The following RNF103 variants were observed in gnomAD, a reference collection of about 807,000 sequenced individuals.
RNF103 encodes E3 ubiquitin-protein ligase RNF103.
In RNF103, 23 loss-of-function variants were observed where a neutral mutation model predicts 66.2. The observed-to-expected ratio is 0.35, with a 90% confidence interval of 0.25 to 0.49. RNF103 has a LOEUF of 0.49. RNF103 is among the 20% of genes least tolerant of loss of function. The pLI is 0.98. For missense variants in RNF103, 730 were observed against 814.7 expected, an observed-to-expected ratio of 0.90 and a Z score of 1.27; for synonymous variants, 297 against 289.9, an observed-to-expected ratio of 1.02 and a Z score of -0.25.
chr2:86,614,778 C>T, intron 2 of RNF103: 2 of 978,412 alleles, frequency 2.0e-6, no homozygotes, highest in Non-Finnish European at 2.4e-6. Flanking sequence ...TTTTCAGATT[C>T]CTTAGGAAGA....
chr2:86,617,784 A>T, intron 2 of RNF103: 1 of 1,015,230 alleles, frequency 9.8e-7, no homozygotes, highest in Non-Finnish European at 1.2e-6. Flanking sequence ...AATTTTAAGC[A>T]TAGTTTTAAA....
chr2:86,616,356 A>G (rs967091506), intron 2 of RNF103: 6 of 455,320 alleles, frequency 1.3e-5, no homozygotes, highest in African/African-American at 4.2e-5. Flanking sequence ...TTTCAAAATC[A>G]TAAGCCAACC....
chr2:86,612,131 A>T (rs972443177), intron 3 of RNF103, 28 bp downstream of exon 3: 22 of 1,483,168 alleles, frequency 1.5e-5, no homozygotes, highest in Non-Finnish European at 2.1e-5. Context: ...TCAGGACTCA[A>T]ATTCTAAGAA....
At chr2:86,608,362 C>T (rs1347221367) in intron 3 of RNF103, among the ~76,000 whole-genome samples, 5 of 151,834 alleles carry the variant, frequency 3.3e-5, no homozygotes, top group Non-Finnish European at 7.4e-5. Flanking sequence ...TGGCACGCAC[C>T]TGTAATCCCA....
At chr2:86,607,460 T>C (rs915971487) in intron 3 of RNF103, among the ~76,000 whole-genome samples, 1 of 152,248 alleles carries the variant, frequency 6.6e-6, no homozygotes, top group East Asian at 1.9e-4. Context: ...TCTGGAAAAC[T>C]GTCTAGGTGA....
At chr2:86,617,312 C>T in intron 2 of RNF103, 2 of 985,446 alleles carry the variant, frequency 2.0e-6, no homozygotes, top group South Asian at 9.4e-5. Context: ...TAGTCAGCTT[C>T]TTCTAAAATA....
At position 86,605,381 on chromosome 2, in the gene RNF103, T is replaced by C; in HGVS notation, c.520A>G (p.Ile174Val). 6.2e-7 allele frequency: 1 copy of C among 1,614,052 alleles called. No homozygotes were observed. The highest frequency in any genetic ancestry group is 1.7e-5 in the Admixed American group (1 of 60,010). ...RRRGWVRSTL[I>V]MSVPQTSTSK... ...GTACTTGTTTGTGGAACAGACATAA[T>C]GAGTGTGGATCGGACCCAGCCTCTT... The change falls in exon 4 of 4, where the codon ATT becomes GTT. Residue 174 changes from isoleucine to valine, a missense_variant. By Grantham distance (29) the Ile-to-Val change is conservative. Around this residue, in one of 3 missense-constraint regions of RNF103, gnomAD observed 327 missense variants for 369.8 expected, o/e 0.88. Coordinates refer to ENST00000237455, the MANE Select transcript of RNF103 (RefSeq NM_005667.4).
In RNF103 at chr2:86,605,411, T is replaced by C; in HGVS notation, c.490A>G (p.Arg164Gly). The change falls in exon 4 of 4, where the codon AGG (arginine) becomes GGG (glycine). Residue 164 changes from arginine (R) to glycine (G), a missense_variant. Transcript: ENST00000237455. ...GTGGATCGGACCCAGCCTCTTCTCC[T>C]GCAATATCTACAAGAGAGGAAACTG... ...FNCSSDPRYC[R>G]RRGWVRSTLI... 6.2e-7 allele frequency: 1 copy of C among 1,606,742 alleles called. No homozygotes were observed. The highest frequency in any genetic ancestry group is 8.5e-7 in the Non-Finnish European group (1 of 1,176,824).
chr2:86,623,804 C>G lies in RNF103; in HGVS notation c.-918G>C. ...CCAACACCCCCGCCACCTCCGGAGA[C>G]CGCGGCCGTACCCTCCACAACCGTG... On this transcript the variant is annotated 5_prime_UTR_variant, in exon 1 of 4. Coordinates refer to ENST00000237455, the MANE Select transcript of RNF103 (RefSeq NM_005667.4). 1.6e-6 allele frequency: 2 copies of G among 1,283,070 alleles called. No individual in the cohort carries two copies. The highest frequency in any genetic ancestry group is 2.0e-6 in the Non-Finnish European group (2 of 986,502). The allele number at this position is 1,283,070 out of a possible 1,614,324, so 79.5% of individuals were successfully genotyped here. A position where few individuals can be genotyped will look rare whatever the true frequency, so the allele number is the denominator to read the frequency against.
chr2:86,604,637 TGA>T lies in RNF103; in HGVS notation c.1262_1263del (p.Leu421GlnfsTer11). On this transcript the variant is annotated frameshift_variant, in exon 4 of 4. Coordinates refer to ENST00000237455, the MANE Select transcript of RNF103 (RefSeq NM_005667.4). LOFTEE classifies it high-confidence loss of function. ...MFYSSHPALF[L>X]STYLGHGLLI... ...AGTAAACCATGACCAAGGTATGTAC[TGA>T]GAAACAGGGCTGGGTGTGAAGAGTA... The T allele has an allele frequency of 6.2e-7, 1 of 1,614,168 alleles. No individual in the cohort carries two copies. Among genetic ancestry groups the T allele is most frequent in the Non-Finnish European group, 8.5e-7 (1 of 1,180,024 alleles).
Position 86,605,323 on chromosome 2 carries a change from C to T in RNF103, c.578G>A (p.Ser193Asn). The T allele has an allele frequency of 3.1e-6, 5 of 1,614,174 alleles. No individual in the cohort carries two copies. Among genetic ancestry groups the T allele is most frequent in the Non-Finnish European group, 3.4e-6 (4 of 1,180,026 alleles). Residue 193 changes from serine (S) to asparagine (N), a missense_variant, in exon 4 of 4, where the codon AGT (serine) becomes AAT (asparagine). By Grantham distance (46) the Ser-to-Asn change is conservative. Transcript: ENST00000237455. ...SKGKVMLKEYSGRKIEVEHIF... is the reference protein window; with the variant it reads ...SKGKVMLKEYNGRKIEVEHIF... ...GTGCTCTACTTCAATCTTGCGTCCA[C>T]TGTATTCTTTAAGCATGACTTTCCC...
At chr2:86,605,446 A>G (rs1347454174) in intron 3 of RNF103, 28 bp from the exon 4 acceptor site, 1 of 1,557,266 alleles carries the variant, frequency 6.4e-7, no homozygotes, top group African/African-American at 1.4e-5. Flanking sequence ...GTAAATAAAC[A>G]GCTAGGCTGT....
rs1181347671 is a variant in RNF103 at position 86,604,733 on chromosome 2, T to G, written c.1168A>C (p.Ser390Arg). 2 of 1,614,038 alleles carry G rather than the reference T, an allele frequency of 1.2e-6. No homozygotes were observed. The highest frequency in any genetic ancestry group is 1.7e-6 in the Non-Finnish European group (2 of 1,179,998). The change falls in exon 4 of 4, where the codon AGC becomes CGC. Residue 390 changes from serine to arginine, a missense_variant. Around this residue, in one of 3 missense-constraint regions of RNF103, gnomAD observed 355 missense variants for 351.9 expected, o/e 1.01. Transcript: ENST00000237455. ...LPYLDSFYEY[S>R]LKLLRYSNTT... ...TTGGAATATCTCAACAATTTTAAGC[T>G]ATATTCATAAAAGCTATCTAAGTAA...
intron 1 of RNF103, 21 bp downstream of exon 1, chr2:86,622,640 T>C (rs1034005779): frequency 6.2e-7 from 1 of 1,613,208 alleles, no homozygotes; most frequent in Non-Finnish European, 8.5e-7. Flanking sequence ...GAGGGGACCC[T>C]AGGGGAAGCC....
intron 2 of RNF103, 35 bp from the exon 3 acceptor site, chr2:86,612,309 T>TA (rs1274617470): frequency 7.8e-7 from 1 of 1,287,876 alleles, no homozygotes; most frequent in Non-Finnish European, 1.1e-6. Context: ...AAACTTGAAT[T>TA]ACCTAAAATG....
intron 2 of RNF103, chr2:86,614,985 G>C: frequency 1.0e-6 from 1 of 985,438 alleles, no homozygotes; most frequent in African/African-American, 1.7e-5. Context: ...TAGTTCCTAA[G>C]TCTGGAGGCA....
Position 86,603,611 on chromosome 2 carries a change from CAT to C in RNF103, c.*230_*231del, listed in dbSNP as rs1445940420. On this transcript the variant is annotated 3_prime_UTR_variant, in exon 4 of 4. Transcript: ENST00000237455. ...TACTTCTTTTGTGCTTACAAAAAAA[CAT>C]TAACTTCTGAATTTCCAATGTTGTA... 4 of 524,808 alleles carry C rather than the reference CAT, an allele frequency of 7.6e-6. No individual in the cohort carries two copies. The highest frequency in any genetic ancestry group is 9.7e-6 in the Non-Finnish European group (3 of 310,010). 32.5% of individuals were successfully genotyped at this position (524,808 alleles called of 1,614,324 possible).
chr2:86,613,877 T>G (rs1678904040), intron 2 of RNF103: 1 of 152,178 alleles, frequency 6.6e-6, no homozygotes. Flanking sequence ...CACATAAGTT[T>G]GAAGCTTAAT....
intron 2 of RNF103, among the ~76,000 whole-genome samples, chr2:86,615,782 T>C (rs1262013082): frequency 1.3e-5 from 2 of 152,116 alleles, no homozygotes; most frequent in Non-Finnish European, 2.9e-5. Flanking sequence ...CAATACAGGC[T>C]AGAAGTGAAG....
Sources: allele counts gnomAD v4.1 joint callset (sites outside exome capture counted in the v4.1 genomes callset), GRCh38; gene constraint gnomAD v4.1.1; regional missense constraint gnomAD v4.1.1; transcripts MANE v1.5; gene names NCBI Gene and HGNC (gene_info 2026-07-23, HGNC 2026-07-21).